The following SHQ1 variants were observed in gnomAD, a reference collection of about 807,000 sequenced individuals.
The protein encoded by SHQ1 is SHQ1, H/ACA ribonucleoprotein assembly factor.
A neutral mutation model predicts 53.8 loss-of-function variants in SHQ1; 49 were observed. The observed-to-expected ratio is 0.91, with a 90% CI of 0.72 to 1.16. SHQ1 has a LOEUF of 1.16. Ranked by LOEUF, SHQ1 falls within the 50% of genes most tolerant of loss-of-function variation. The pLI is 0.00. For synonymous variants in SHQ1, 243 were observed against 251.0 expected (o/e 0.97, Z 0.30); for missense variants, 738 against 683.1 (o/e 1.08, Z -0.90).
chr3:72,737,408 A>G, the SHQ1 span, among the ~76,000 whole-genome samples: 1 of 152,138 alleles, frequency 6.6e-6, no homozygotes. Context: ...AACTGGGGAA[A>G]TTTGGAAGGG....
At chr3:72,826,243 T>C (rs1307365490) in intron 5 of SHQ1, among the ~76,000 whole-genome samples, 1 of 152,224 alleles carries the variant, frequency 6.6e-6, no homozygotes, top group African/African-American at 2.4e-5. Context: ...CACAGACATA[T>C]GAGACAAGGA....
At chr3:72,847,845 G>T (rs28379553) in intron 1 of SHQ1, among the ~76,000 whole-genome samples, 5,239 of 152,204 alleles carry the variant, frequency 0.034, 329 homozygotes, top group African/African-American at 0.12. Flanking sequence ...GGAAGGGAGA[G>T]ACTGGGAGAG....
chr3:72,836,131 A>C (rs1441261247), intron 4 of SHQ1, among the ~76,000 whole-genome samples: 1 of 152,218 alleles, frequency 6.6e-6, no homozygotes, highest in Non-Finnish European at 1.5e-5. Flanking sequence ...GTGGAAATCC[A>C]GTAATAAACA....
chr3:72,766,532 A>G (rs1705734508), intron 10 of SHQ1, among the ~76,000 whole-genome samples: 1 of 152,196 alleles, frequency 6.6e-6, no homozygotes, highest in African/African-American at 2.4e-5. Flanking sequence ...AAAGAGAAGG[A>G]AAATTCTGTC....
chr3:72,791,947 A>C (rs1312382670), intron 10 of SHQ1, among the ~76,000 whole-genome samples: 4 of 152,236 alleles, frequency 2.6e-5, no homozygotes, highest in Non-Finnish European at 4.4e-5. Flanking sequence ...CGAAATAAAA[A>C]TTCACTGCAT....
chr3:72,823,056 G>C (rs1359501018), intron 6 of SHQ1, among the ~76,000 whole-genome samples: 2 of 151,588 alleles, frequency 1.3e-5, no homozygotes, highest in Non-Finnish European at 2.9e-5. Context: ...GGCTGAGGTA[G>C]GAGAATGGCG....
intron 10 of SHQ1, chr3:72,772,550 G>A: frequency 1.5e-6 from 1 of 677,838 alleles, no homozygotes; most frequent in Non-Finnish European, 2.8e-6. Flanking sequence ...TTTAGAGCAT[G>A]GGAAGATTGG....
At chr3:72,763,052 CACACACACACAGAG>C (rs924134448) in intron 10 of SHQ1, among the ~76,000 whole-genome samples, 12 of 146,088 alleles carry the variant, frequency 8.2e-5, no homozygotes, top group East Asian at 3.9e-4. Context: ...CACACACACA[CACACACACACAGAG>C]AGAGAGAGAG....
the SHQ1 span, among the ~76,000 whole-genome samples, chr3:72,729,514 T>C: frequency 2.6e-5 from 4 of 151,980 alleles, no homozygotes; most frequent in East Asian, 7.8e-4. Flanking sequence ...AGGAAAAAAA[T>C]AAAAGGCATT....
chr3:72,819,978 T>C (rs1055427285), intron 6 of SHQ1, among the ~76,000 whole-genome samples: 1 of 152,220 alleles, frequency 6.6e-6, no homozygotes, highest in Non-Finnish European at 1.5e-5. Context: ...GTATGGTTTT[T>C]GAGATGTTCA....
At chr3:72,770,100 T>C (rs190060755) in intron 10 of SHQ1, among the ~76,000 whole-genome samples, 5 of 152,366 alleles carry the variant, frequency 3.3e-5, no homozygotes, top group Non-Finnish European at 7.3e-5. Flanking sequence ...GATTGCCTGA[T>C]TCAGCCAATG....
At chr3:72,813,693 G>A (rs1327612132) in intron 8 of SHQ1, among the ~76,000 whole-genome samples, 1 of 146,174 alleles carries the variant, frequency 6.8e-6, no homozygotes, top group Non-Finnish European at 1.5e-5. Context: ...CCCAGGAGGC[G>A]GAGCTTGCAG....
chr3:72,811,386 T>C (rs548930691), intron 9 of SHQ1, among the ~76,000 whole-genome samples: 6 of 152,318 alleles, frequency 3.9e-5, no homozygotes, highest in East Asian at 1.9e-4. Context: ...TTATAGTAGA[T>C]TGATTTTCCA....
At position 72,797,497 on chromosome 3, in the gene SHQ1, C is replaced by T. The variant is rs191151479; in HGVS notation, c.1061-4461G>A. The stretch of plus-strand genomic sequence containing the variant: ...AAAAATTAAGACATGTTCAACTACA[C>T]AGCCAAACCCTGAAAAATTGACAAA... On this transcript the variant is annotated intron_variant, in intron 9 of 10. Transcript: ENST00000325599. Among the ~76,000 whole-genome samples the T allele has an allele frequency of 1.4e-4, 21 of 152,262 alleles. 1 individual carries two copies. Among genetic ancestry groups the T allele is most frequent in the African/African-American group, 5.1e-4 (21 of 41,566 alleles).
intron 5 of SHQ1, among the ~76,000 whole-genome samples, chr3:72,825,604 A>C (rs1198714968): frequency 6.6e-6 from 1 of 152,204 alleles, no homozygotes; most frequent in Non-Finnish European, 1.5e-5. Context: ...CTTGGAGGAC[A>C]CTTATTCAGA....
At chr3:72,748,385 A>G (rs182875536), downstream of SHQ1, among the ~76,000 whole-genome samples, 61 of 145,964 alleles carry the variant, frequency 4.2e-4, no homozygotes, top group African/African-American at 1.4e-3. Context: ...ACTTGTATCC[A>G]GAATTTATAA....
At position 72,817,367 on chromosome 3, in the gene SHQ1, C is replaced by G. The variant is rs770129546; in HGVS notation, c.745G>C (p.Glu249Gln). ...HATLVSFSEE[E>Q]KYQLRKFVNK... ...ACAAATTTTCGTAGCTGATACTTCT[C>G]TTCTTCAGAAAAAGACACTAGAAGA... The change falls in exon 7 of 11, where the codon GAG becomes CAG. Residue 249 changes from glutamate (E) to glutamine (Q), a missense_variant. Transcript: ENST00000325599. 6.8e-6 allele frequency: 11 copies of G among 1,609,880 alleles called. No individual in the cohort carries two copies. The East Asian group carries it at 2.5e-4, about 36-fold the overall frequency.
At chr3:72,775,795 T>C (rs1223945495) in intron 10 of SHQ1, among the ~76,000 whole-genome samples, 1 of 152,180 alleles carries the variant, frequency 6.6e-6, no homozygotes, top group Non-Finnish European at 1.5e-5. Context: ...AAAAAATTTT[T>C]AAGATCATCC....
chr3:72,812,463 C>G (rs569762801), intron 9 of SHQ1, among the ~76,000 whole-genome samples: 1 of 152,304 alleles, frequency 6.6e-6, no homozygotes, highest in African/African-American at 2.4e-5. Flanking sequence ...CCTTACTCCT[C>G]TCGGAAAAGA....
Sources: allele counts gnomAD v4.1 joint callset (sites outside exome capture counted in the v4.1 genomes callset), GRCh38; gene constraint gnomAD v4.1.1; transcripts MANE v1.5; gene names NCBI Gene and HGNC (gene_info 2026-07-23, HGNC 2026-07-21).